The following FANCC variants were observed in gnomAD, a reference collection of about 807,000 sequenced individuals.
FANCC encodes the protein FA complementation group C, also known as Fanconi anemia group C protein.
Under a neutral mutation model 71.3 loss-of-function variants are expected in FANCC, and 55 were observed. The ratio of observed to expected loss-of-function variants is 0.77; its 90% confidence interval spans 0.62 to 0.97. The LOEUF is 0.97. Among genes scored for constraint, FANCC ranks in the 50% least tolerant of loss-of-function variants. The probability of loss-of-function intolerance (pLI) is 0.00; values close to 1 mark genes in which losing one functional copy is unlikely to be tolerated. For synonymous variants in FANCC, 275 were observed against 244.9 expected (o/e 1.12, Z -1.15); for missense variants, 678 against 670.9 (o/e 1.01, Z -0.12).
chr9:95,110,699 T>C, intron 13 of FANCC: 1 of 1,058,156 alleles, frequency 9.5e-7, no homozygotes, highest in Non-Finnish European at 1.1e-6. Context: ...CAGGGCTCTA[T>C]ACAAAATGAG....
chr9:95,224,379 C>A (rs1829477201), intron 4 of FANCC, among the ~76,000 whole-genome samples: 1 of 152,170 alleles, frequency 6.6e-6, no homozygotes, highest in South Asian at 2.1e-4. Flanking sequence ...CATTTAAGTT[C>A]TCTCACCTAT....
chr9:95,214,018 A>T (rs1828685064), intron 4 of FANCC, among the ~76,000 whole-genome samples: 1 of 151,794 alleles, frequency 6.6e-6, no homozygotes, highest in Non-Finnish European at 1.5e-5. Flanking sequence ...ATGACATACA[A>T]ATAGCTAACA....
chr9:95,296,205 T>C (rs150188411), intron 1 of FANCC, among the ~76,000 whole-genome samples: 17 of 152,314 alleles, frequency 1.1e-4, no homozygotes, highest in Non-Finnish European at 1.9e-4. Flanking sequence ...ATCAAGGATC[T>C]ACTGCACAAT....
chr9:95,149,757 G>A (rs1830030202), intron 7 of FANCC, among the ~76,000 whole-genome samples, 166 bp downstream of exon 7: 1 of 152,022 alleles, frequency 6.6e-6, no homozygotes, highest in South Asian at 2.1e-4. Flanking sequence ...GGGATTACAG[G>A]TGTGAGCCAC....
intron 1 of FANCC, among the ~76,000 whole-genome samples, chr9:95,266,785 T>C (rs1832407255): frequency 6.6e-6 from 1 of 152,206 alleles, no homozygotes; most frequent in South Asian, 2.1e-4. Context: ...TTTAAGTAAC[T>C]ATATGCTATG....
intron 6 of FANCC, among the ~76,000 whole-genome samples, chr9:95,163,899 A>G (rs1830905224): frequency 6.6e-6 from 1 of 152,192 alleles, no homozygotes; most frequent in African/African-American, 2.4e-5. Context: ...ATACCCATCT[A>G]TGAACATGGG....
intron 3 of FANCC, among the ~76,000 whole-genome samples, chr9:95,240,998 CCTT>C (rs1295537666): frequency 3.3e-5 from 5 of 152,134 alleles, no homozygotes; most frequent in African/African-American, 1.2e-4. Flanking sequence ...GGGGTTTTGT[CCTT>C]CTTGTGGCCT....
chr9:95,138,660 T>TACC (rs1251212726), intron 7 of FANCC, among the ~76,000 whole-genome samples: 7 of 152,210 alleles, frequency 4.6e-5, no homozygotes, highest in African/African-American at 1.7e-4. Context: ...CTTCTGCCAG[T>TACC]ACCACATCCT....
intron 8 of FANCC, among the ~76,000 whole-genome samples, chr9:95,131,538 G>A (rs1391662391): frequency 6.6e-6 from 1 of 152,128 alleles, no homozygotes; most frequent in Non-Finnish European, 1.5e-5. Flanking sequence ...GTGCCCCCCT[G>A]AGGCTAATTC....
In FANCC at chr9:95,107,232, A is replaced by T; in HGVS notation, c.1367T>A (p.Met456Lys). The T allele has an allele frequency of 6.2e-7, 1 of 1,614,180 alleles. No homozygotes were observed. Among genetic ancestry groups the T allele is most frequent in the South Asian group, 1.1e-5 (1 of 91,084 alleles). The change falls in exon 14 of 15, where the codon ATG (methionine) becomes AAG (lysine). Residue 456 changes from methionine to lysine, a missense_variant. Physicochemically the swap from Met to Lys is moderately conservative, Grantham distance 95. Transcript: ENST00000289081. ...VKAVLGHLLAMSRSSSLSAQD... is the reference protein window; with the variant it reads ...VKAVLGHLLAKSRSSSLSAQD... The stretch of plus-strand genomic sequence containing the variant: ...GGCTGAGAGGCTGCTGCTTCTGGAC[A>T]TTGCCAGGAGGTGGCCCAGCACGGC...
chr9:95,118,290 G>T (rs551863210), intron 10 of FANCC, among the ~76,000 whole-genome samples: 3 of 152,180 alleles, frequency 2.0e-5, no homozygotes, highest in Non-Finnish European at 4.4e-5. Flanking sequence ...AAGTGCTGGG[G>T]TTATAGTCAT....
chr9:95,132,775 C>T (rs1051534660), intron 8 of FANCC, among the ~76,000 whole-genome samples: 1 of 152,190 alleles, frequency 6.6e-6, no homozygotes, highest in Non-Finnish European at 1.5e-5. Context: ...ATCAGACCTG[C>T]GAGTCCAAGA....
chr9:95,124,965 C>A, intron 10 of FANCC, 121 bp downstream of exon 10: 1 of 845,640 alleles, frequency 1.2e-6, no homozygotes, highest in Non-Finnish European at 2.0e-6. Flanking sequence ...TCATTAGGAA[C>A]CTTTCTTTGT....
chr9:95,201,213 T>C (rs564110589), intron 4 of FANCC, among the ~76,000 whole-genome samples: 1 of 152,154 alleles, frequency 6.6e-6, no homozygotes, highest in African/African-American at 2.4e-5. Context: ...AAAAAAAATT[T>C]TTTTTTTTGC....
At chr9:95,103,133 G>A (rs1318946069) in intron 14 of FANCC, among the ~76,000 whole-genome samples, 1 of 152,044 alleles carries the variant, frequency 6.6e-6, no homozygotes, top group Non-Finnish European at 1.5e-5. Flanking sequence ...CCCAGACCCT[G>A]AGCGGGAGGA....
chr9:95,276,602 G>C (rs1833055228), intron 1 of FANCC, among the ~76,000 whole-genome samples: 1 of 152,276 alleles, frequency 6.6e-6, no homozygotes, highest in Non-Finnish European at 1.5e-5. Context: ...TACTCAGAAG[G>C]CTTCACCACA....
chr9:95,279,216 G>A (rs1004459601), intron 1 of FANCC, among the ~76,000 whole-genome samples: 13 of 151,964 alleles, frequency 8.6e-5, no homozygotes, highest in Admixed American at 7.9e-4. Context: ...CACTCAGGAG[G>A]CTGAACCATG....
intron 1 of FANCC, among the ~76,000 whole-genome samples, chr9:95,314,818 T>C (rs1415659348): frequency 6.6e-6 from 1 of 151,884 alleles, no homozygotes; most frequent in Non-Finnish European, 1.5e-5. Flanking sequence ...TAAGAGAAAT[T>C]AAAGCGCTCA....
chr9:95,238,563 T>C (rs1830451546), intron 4 of FANCC, among the ~76,000 whole-genome samples: 1 of 151,996 alleles, frequency 6.6e-6, no homozygotes, highest in Non-Finnish European at 1.5e-5. Context: ...TTTTTTCCTT[T>C]TTTCTTTTTT....
Sources: allele counts gnomAD v4.1 joint callset (sites outside exome capture counted in the v4.1 genomes callset), GRCh38; gene constraint gnomAD v4.1.1; transcripts MANE v1.5; gene names NCBI Gene and HGNC (gene_info 2026-07-23, HGNC 2026-07-21).